SLC1A1: variants seen among roughly 807,000 people sequenced by gnomAD.
SLC1A1 encodes excitatory amino acid transporter 3.
Under a neutral mutation model 53.3 loss-of-function variants are expected in SLC1A1, and 43 were observed. The observed-to-expected ratio is 0.81, with a 90% confidence interval of 0.63 to 1.04. The LOEUF is 1.04. Ranked by LOEUF, SLC1A1 falls within the 50% of genes least tolerant of loss-of-function variation. The pLI is 0.00. For missense variants in SLC1A1, 748 were observed against 664.9 expected (o/e 1.12, Z -1.37); for synonymous variants, 307 against 243.2 (o/e 1.26, Z -2.44).
intron 1 of SLC1A1, among the ~76,000 whole-genome samples, chr9:4,511,676 T>A (rs1321786031): frequency 6.6e-6 from 1 of 151,900 alleles, no homozygotes; most frequent in Non-Finnish European, 1.5e-5. Context: ...AAGGCAAAGG[T>A]GTCCATTCTC....
intron 1 of SLC1A1, among the ~76,000 whole-genome samples, chr9:4,544,127 G>A (rs1564021956): frequency 6.6e-6 from 1 of 152,194 alleles, no homozygotes; most frequent in Non-Finnish European, 1.5e-5. Context: ...AGTGAGCCGA[G>A]ATGGTACCAC....
intron 1 of SLC1A1, among the ~76,000 whole-genome samples, chr9:4,491,368 A>G (rs1257474693): frequency 6.6e-6 from 1 of 152,204 alleles, no homozygotes; most frequent in Non-Finnish European, 1.5e-5. Context: ...AAGCTGCCAG[A>G]TTCGTGCCTG....
At chr9:4,554,389 C>G (rs1282164584) in intron 2 of SLC1A1, 1 of 152,164 alleles carries the variant, frequency 6.6e-6, no homozygotes, top group Non-Finnish European at 1.5e-5. Context: ...AGCTTAAAAC[C>G]TAGCAAGAAA....
intron 1 of SLC1A1, among the ~76,000 whole-genome samples, chr9:4,496,217 G>A (rs2130791770): frequency 6.6e-6 from 1 of 152,240 alleles, no homozygotes; most frequent in Non-Finnish European, 1.5e-5. Flanking sequence ...AACAGGAACA[G>A]TGATGGGTGA....
intron 1 of SLC1A1, among the ~76,000 whole-genome samples, chr9:4,533,791 T>C (rs577781875): frequency 3.0e-4 from 45 of 152,230 alleles, no homozygotes; most frequent in Non-Finnish European, 4.6e-4. Context: ...TATTCCAAAA[T>C]TGACCACTTA....
intron 10 of SLC1A1, among the ~76,000 whole-genome samples, chr9:4,580,005 G>C (rs922662886): frequency 1.3e-5 from 2 of 152,142 alleles, no homozygotes; most frequent in East Asian, 1.9e-4. Context: ...TGAATCACTT[G>C]AGTCCAGGAG....
intron 2 of SLC1A1, among the ~76,000 whole-genome samples, chr9:4,548,000 C>A (rs553200976): frequency 1.3e-5 from 2 of 152,184 alleles, no homozygotes; most frequent in Admixed American, 6.5e-5. Flanking sequence ...GTGATCAAAA[C>A]CAAAAGGTTA....
chr9:4,582,656 T>G (rs566072947), intron 10 of SLC1A1, among the ~76,000 whole-genome samples: 12 of 152,290 alleles, frequency 7.9e-5, no homozygotes, highest in African/African-American at 2.9e-4. Flanking sequence ...TGGCACTTAT[T>G]TAGGATGAGT....
chr9:4,514,667 G>A (rs1821105317), intron 1 of SLC1A1, among the ~76,000 whole-genome samples: 1 of 152,156 alleles, frequency 6.6e-6, no homozygotes, highest in Non-Finnish European at 1.5e-5. Flanking sequence ...GGGCTAGGGT[G>A]GGTCAGAGAG....
At chr9:4,516,597 C>T (rs899334843) in intron 1 of SLC1A1, among the ~76,000 whole-genome samples, 3 of 152,200 alleles carry the variant, frequency 2.0e-5, no homozygotes, top group Admixed American at 6.5e-5. Flanking sequence ...CCATGGGCTT[C>T]ACTTTCCTGC....
At chr9:4,526,206 T>C (rs192485129) in intron 1 of SLC1A1, among the ~76,000 whole-genome samples, 3 of 152,158 alleles carry the variant, frequency 2.0e-5, no homozygotes, top group Non-Finnish European at 4.4e-5. Flanking sequence ...AAAAATAACA[T>C]AGTAAACCTT....
At chr9:4,555,266 G>A (rs1275754591) in intron 2 of SLC1A1, among the ~76,000 whole-genome samples, 1 of 152,124 alleles carries the variant, frequency 6.6e-6, no homozygotes, top group East Asian at 1.9e-4. Context: ...ACTTATAATG[G>A]CATAACACCA....
rs901939835 is a variant in SLC1A1, at chr9:4,549,826, C to G, written c.232+5119C>G. Among the ~76,000 whole-genome samples the G allele has an allele frequency of 8.5e-5, 13 of 152,200 alleles. No homozygotes were observed. The highest frequency in any genetic ancestry group is 2.6e-4 in the Admixed American group (4 of 15,282). ...ATTGCAACCACCCTGCTTGTAGAAC[C>G]TGGGAGTCTGTCCAGGTCAGGCTGG... On this transcript the variant is annotated intron_variant, in intron 2 of 11. Coordinates refer to ENST00000262352, the MANE Select transcript of SLC1A1 (RefSeq NM_004170.6). The surrounding 1 kb of genome is among the most constrained non-coding windows in gnomAD (Gnocchi z 4.1).
chr9:4,570,150 C>T (rs765552998), intron 6 of SLC1A1, among the ~76,000 whole-genome samples: 1 of 152,186 alleles, frequency 6.6e-6, no homozygotes, highest in Non-Finnish European at 1.5e-5. Context: ...AACCCACATT[C>T]ATGTCCCACT....
At chr9:4,500,313 GT>G (rs1306676831) in intron 1 of SLC1A1, among the ~76,000 whole-genome samples, 3 of 152,020 alleles carry the variant, frequency 2.0e-5, no homozygotes, top group Non-Finnish European at 4.4e-5. Context: ...TTTCTATTTT[GT>G]TTGTTTTATT....
intron 11 of SLC1A1, 105 bp from the exon 12 acceptor site, chr9:4,585,207 C>T (rs1821481715): frequency 6.8e-7 from 1 of 1,473,052 alleles, no homozygotes; most frequent in East Asian, 2.3e-5. Flanking sequence ...GCACTTTCTG[C>T]ACTTACTGAA....
At chr9:4,558,656 T>A (rs1306632336) in intron 2 of SLC1A1, among the ~76,000 whole-genome samples, 1 of 152,204 alleles carries the variant, frequency 6.6e-6, no homozygotes, top group East Asian at 1.9e-4. Flanking sequence ...TTAAGACATA[T>A]TAACATATGC....
intron 1 of SLC1A1, among the ~76,000 whole-genome samples, chr9:4,538,151 A>G (rs1816746599): frequency 1.3e-5 from 2 of 152,162 alleles, no homozygotes; most frequent in South Asian, 4.2e-4. Flanking sequence ...TTAAGGACTC[A>G]CCTGTGACAG....
At chr9:4,537,335 G>C (rs1277835564) in intron 1 of SLC1A1, among the ~76,000 whole-genome samples, 4 of 38,394 alleles carry the variant, frequency 1.0e-4, no homozygotes, top group African/African-American at 4.2e-4. Flanking sequence ...CGAGGCGGGT[G>C]GATCATGAGG....
Sources: allele counts gnomAD v4.1 joint callset (sites outside exome capture counted in the v4.1 genomes callset), GRCh38; gene constraint gnomAD v4.1.1; non-coding constraint Gnocchi (gnomAD v3.1); transcripts MANE v1.5; gene names NCBI Gene and HGNC (gene_info 2026-07-23, HGNC 2026-07-21).